The following TENM2 variants were observed in gnomAD, a reference collection of about 807,000 sequenced individuals.
TENM2 encodes the protein teneurin-2.
A neutral mutation model predicts 245.2 loss-of-function variants in TENM2; 52 were observed. The observed-to-expected ratio is 0.21, with a 90% confidence interval of 0.17 to 0.27. The LOEUF (loss-of-function observed/expected upper bound fraction) is 0.27. Among genes scored for constraint, TENM2 ranks in the 10% least tolerant of loss-of-function variants. TENM2 has a pLI of 1.00. For synonymous variants in TENM2, 1,363 were observed against 1,438.9 expected (o/e 0.95, Z 1.19); for missense variants, 3,046 against 3,666.8 (o/e 0.83, Z 4.37).
chr5:168,076,177 TA>T (rs1791451752), intron 7 of TENM2, among the ~76,000 whole-genome samples: 6 of 252 alleles, frequency 0.024, no homozygotes, highest in East Asian at 0.17. Flanking sequence ...GCTTTATTTT[TA>T]TTTTATTTTA....
At chr5:167,492,753 C>T (rs540199546) in intron 2 of TENM2, among the ~76,000 whole-genome samples, 1 of 151,920 alleles carries the variant, frequency 6.6e-6, no homozygotes, top group East Asian at 1.9e-4. Context: ...ATGGTGGTGG[C>T]CAATGTGAGG....
intron 25 of TENM2, among the ~76,000 whole-genome samples, chr5:168,230,630 C>CCTATCTAT (rs146822778): frequency 6.6e-6 from 1 of 152,098 alleles, no homozygotes; most frequent in Non-Finnish European, 1.5e-5. Context: ...CTCTTCTCTC[C>CCTATCTAT]CTATCTATCT....
chr5:167,871,006 G>A (rs2151343007), intron 2 of TENM2, among the ~76,000 whole-genome samples: 1 of 152,284 alleles, frequency 6.6e-6, no homozygotes, highest in South Asian at 2.1e-4. Context: ...GGGTTGGGCA[G>A]AGCAGCAATT....
intron 17 of TENM2, among the ~76,000 whole-genome samples, chr5:168,202,882 A>G (rs1219430658): frequency 6.6e-6 from 1 of 152,198 alleles, no homozygotes; most frequent in East Asian, 1.9e-4. Context: ...ATTCCAATTA[A>G]AAATGTATGG....
chr5:168,033,381 G>A (rs1411177512), intron 5 of TENM2, among the ~76,000 whole-genome samples: 1 of 152,096 alleles, frequency 6.6e-6, no homozygotes, highest in East Asian at 1.9e-4. Context: ...GTGGCAGTGG[G>A]CAGGTTATTT....
the TENM2 span, among the ~76,000 whole-genome samples, chr5:167,023,322 T>G: frequency 6.6e-6 from 1 of 152,240 alleles, no homozygotes; most frequent in East Asian, 1.9e-4. Context: ...GGTAATTTCT[T>G]GAATTATGCT....
At chr5:167,239,895 C>T in the TENM2 span, among the ~76,000 whole-genome samples, 4 of 152,182 alleles carry the variant, frequency 2.6e-5, no homozygotes, top group South Asian at 8.3e-4. Context: ...GCCTCAATCT[C>T]CCAAGTAGCT....
the TENM2 span, among the ~76,000 whole-genome samples, chr5:167,118,449 C>T: frequency 0.011 from 1,694 of 152,252 alleles, 12 homozygotes; most frequent in Non-Finnish European, 0.016. Context: ...AGAATGATCT[C>T]GTAGGGATAG....
the TENM2 span, among the ~76,000 whole-genome samples, chr5:167,104,142 C>T: frequency 2.0e-4 from 30 of 151,886 alleles, no homozygotes; most frequent in Non-Finnish European, 4.1e-4. Context: ...CATACCCACT[C>T]TGCCTACTAG....
intron 2 of TENM2, among the ~76,000 whole-genome samples, chr5:167,468,781 G>T (rs1766827965): frequency 6.6e-6 from 1 of 152,138 alleles, no homozygotes; most frequent in African/African-American, 2.4e-5. Flanking sequence ...TGAAATATGT[G>T]CTGTATGTAT....
chr5:168,018,998 A>T (rs547062475), intron 5 of TENM2, among the ~76,000 whole-genome samples: 25 of 152,184 alleles, frequency 1.6e-4, no homozygotes, highest in Non-Finnish European at 2.9e-4. Context: ...TGTTGGTATC[A>T]GAGAGTACTT....
At chr5:167,841,760 G>C (rs1032054916) in intron 2 of TENM2, among the ~76,000 whole-genome samples, 1 of 151,838 alleles carries the variant, frequency 6.6e-6, no homozygotes, top group Admixed American at 6.6e-5. Context: ...TCTAGTCCAG[G>C]GTTCATTTCA....
At chr5:167,132,426 A>T in the TENM2 span, among the ~76,000 whole-genome samples, 1 of 152,108 alleles carries the variant, frequency 6.6e-6, no homozygotes, top group South Asian at 2.1e-4. Flanking sequence ...TGAGGGAGAG[A>T]GAGAGTGAGA....
chr5:167,353,515 T>TTG (rs1759090490), intron 1 of TENM2, among the ~76,000 whole-genome samples: 1 of 127,034 alleles, frequency 7.9e-6, no homozygotes, highest in African/African-American at 2.9e-5. Context: ...TTTTTTTTTT[T>TTG]TTTTTTTTTT....
At chr5:167,870,326 A>G (rs1265807636) in intron 2 of TENM2, among the ~76,000 whole-genome samples, 1 of 152,056 alleles carries the variant, frequency 6.6e-6, no homozygotes, top group African/African-American at 2.4e-5. Flanking sequence ...TTCACATCTT[A>G]TTCATTTGTT....
intron 2 of TENM2, among the ~76,000 whole-genome samples, chr5:167,570,791 G>GT (rs1415373727): frequency 6.6e-6 from 1 of 152,172 alleles, no homozygotes; most frequent in African/African-American, 2.4e-5. Context: ...TCTGAAAACA[G>GT]TAACTTTAAG....
chr5:167,801,723 G>C (rs1765790955), intron 2 of TENM2, among the ~76,000 whole-genome samples: 1 of 152,156 alleles, frequency 6.6e-6, no homozygotes, highest in Admixed American at 6.6e-5. Context: ...GCAGAATGCA[G>C]GCTCATATTT....
intron 2 of TENM2, among the ~76,000 whole-genome samples, chr5:167,828,891 A>G (rs1035749967): frequency 3.9e-5 from 6 of 152,228 alleles, no homozygotes; most frequent in African/African-American, 1.4e-4. Context: ...AGGAAGAACC[A>G]CAGGCTCAAG....
At chr5:167,586,670 G>T (rs921585689) in intron 2 of TENM2, among the ~76,000 whole-genome samples, 1 of 151,872 alleles carries the variant, frequency 6.6e-6, no homozygotes, top group Non-Finnish European at 1.5e-5. Flanking sequence ...AGGGAAAGAG[G>T]TAATTTAAAA....
Sources: allele counts gnomAD v4.1 joint callset (sites outside exome capture counted in the v4.1 genomes callset), GRCh38; gene constraint gnomAD v4.1.1; transcripts MANE v1.5; gene names NCBI Gene and HGNC (gene_info 2026-07-23, HGNC 2026-07-21).